Variants in DACH2 observed in about 807,000 individuals in gnomAD.
DACH2 encodes the protein dachshund homolog 2.
A neutral mutation model predicts 35.8 loss-of-function variants in DACH2; 17 were observed. The observed-to-expected ratio is 0.48, with a 90% CI of 0.33 to 0.71. The LOEUF is 0.71. Ranked by LOEUF, DACH2 falls within the 30% of genes least tolerant of loss-of-function variation. The pLI is 0.02. For synonymous variants in DACH2, 195 were observed against 177.3 expected (o/e 1.10, Z -0.79); for missense variants, 469 against 472.7 (o/e 0.99, Z 0.07).
chrX:86,289,135 C>T (rs1236385321), intron 1 of DACH2, among the ~76,000 whole-genome samples: 2 of 109,192 alleles, frequency 1.8e-5, no homozygotes, highest in African/African-American at 6.7e-5. Context: ...CCCTTCAAGG[C>T]AGAAGTTTCC....
At chrX:86,438,666 T>G (rs781021251) in intron 2 of DACH2, among the ~76,000 whole-genome samples, 1 of 112,526 alleles carries the variant, frequency 8.9e-6, no homozygotes, top group East Asian at 2.8e-4. Flanking sequence ...AACATAGACA[T>G]GCATGTGTCT....
At chrX:86,311,333 G>A (rs2034794911) in intron 1 of DACH2, among the ~76,000 whole-genome samples, 1 of 111,959 alleles carries the variant, frequency 8.9e-6, no homozygotes, top group African/African-American at 3.2e-5. Context: ...GCAGCAGTGA[G>A]CTCAGGCTTA....
chrX:86,152,467 A>G (rs1164539334), intron 1 of DACH2, among the ~76,000 whole-genome samples: 2 of 111,903 alleles, frequency 1.8e-5, no homozygotes, highest in Non-Finnish European at 3.8e-5. Context: ...GATAGTACTG[A>G]AAGTCACAGC....
At chrX:86,324,250 G>T (rs1438340777) in intron 1 of DACH2, among the ~76,000 whole-genome samples, 1 of 111,877 alleles carries the variant, frequency 8.9e-6, no homozygotes, top group African/African-American at 3.3e-5. Flanking sequence ...TTTAGAAGTG[G>T]AGCCTGAATA....
chrX:86,284,159 G>A (rs1403126382), intron 1 of DACH2, among the ~76,000 whole-genome samples: 2 of 111,396 alleles, frequency 1.8e-5, no homozygotes, highest in Non-Finnish European at 1.9e-5. Context: ...ATGAAAGTGG[G>A]CATTCTTGTC....
intron 11 of DACH2, among the ~76,000 whole-genome samples, chrX:86,819,379 C>A (rs1224529959): frequency 9.0e-6 from 1 of 110,706 alleles, no homozygotes; most frequent in African/African-American, 3.3e-5. Flanking sequence ...ATCTTATCAA[C>A]CAATCCCTGT....
chrX:86,186,667 G>T (rs908021884), intron 1 of DACH2, among the ~76,000 whole-genome samples: 3 of 111,712 alleles, frequency 2.7e-5, no homozygotes, highest in Admixed American at 9.6e-5. Flanking sequence ...TATGCAAAAT[G>T]CTGTGAATTC....
At chrX:86,743,618 G>T (rs768553105) in intron 7 of DACH2, among the ~76,000 whole-genome samples, 1 of 111,169 alleles carries the variant, frequency 9.0e-6, no homozygotes, top group Non-Finnish European at 1.9e-5. Context: ...TAAACTGAAC[G>T]TGCTTCATAA....
chrX:86,818,341 A>G (rs1382698944), intron 11 of DACH2, among the ~76,000 whole-genome samples: 1 of 111,441 alleles, frequency 9.0e-6, no homozygotes, highest in Admixed American at 9.6e-5. Flanking sequence ...GCCTACAAAT[A>G]TTATCAGAAC....
intron 6 of DACH2, among the ~76,000 whole-genome samples, chrX:86,720,986 T>A (rs1021509390): frequency 2.7e-5 from 3 of 112,462 alleles, no homozygotes; most frequent in African/African-American, 9.7e-5. Flanking sequence ...CTCTGAAACA[T>A]TGAACTGAGC....
At chrX:86,335,017 TC>T (rs1392414672) in intron 1 of DACH2, among the ~76,000 whole-genome samples, 1 of 112,239 alleles carries the variant, frequency 8.9e-6, no homozygotes, top group Non-Finnish European at 1.9e-5. Context: ...AAATACAGAA[TC>T]CTTTCCCCAT....
chrX:86,710,551 T>A (rs1335775716), intron 5 of DACH2, among the ~76,000 whole-genome samples: 1 of 112,165 alleles, frequency 8.9e-6, no homozygotes, highest in South Asian at 3.7e-4. Flanking sequence ...AATCTAAGAC[T>A]GCTCTAAAAC....
chrX:86,732,594 T>G (rs1042988443), intron 6 of DACH2, among the ~76,000 whole-genome samples: 15 of 111,959 alleles, frequency 1.3e-4, no homozygotes, highest in Admixed American at 2.9e-4. Flanking sequence ...TTAACTTGCC[T>G]GTGTCTCAGA....
chrX:86,444,975 G>A (rs2037235142), intron 2 of DACH2, among the ~76,000 whole-genome samples: 1 of 110,850 alleles, frequency 9.0e-6, no homozygotes, highest in Non-Finnish European at 1.9e-5. Flanking sequence ...AATAAAATGA[G>A]ATCCTTAAAA....
At chrX:86,430,785 C>T (rs1016995354) in intron 2 of DACH2, among the ~76,000 whole-genome samples, 1 of 112,229 alleles carries the variant, frequency 8.9e-6, no homozygotes, top group Non-Finnish European at 1.9e-5. Flanking sequence ...CCTTGCTACA[C>T]AAAAGATGCA....
chrX:86,355,835 G>A (rs1458381037), intron 1 of DACH2, among the ~76,000 whole-genome samples: 1 of 104,131 alleles, frequency 9.6e-6, no homozygotes, highest in Non-Finnish European at 2.0e-5. Context: ...GGTCTTCTTT[G>A]GAGAAGGGTC....
At chrX:86,456,840 G>T (rs1234211462) in intron 2 of DACH2, among the ~76,000 whole-genome samples, 1 of 110,513 alleles carries the variant, frequency 9.0e-6, no homozygotes, top group Non-Finnish European at 1.9e-5. Context: ...TTTTGAAGGA[G>T]AAATTGATAG....
intron 4 of DACH2, among the ~76,000 whole-genome samples, chrX:86,674,789 T>C (rs2040808207): frequency 9.0e-6 from 1 of 111,112 alleles, no homozygotes; most frequent in African/African-American, 3.3e-5. Context: ...AGTTTTATAA[T>C]CTCTGAGCAA....
intron 1 of DACH2, among the ~76,000 whole-genome samples, chrX:86,164,353 T>A (rs1355630367): frequency 9.0e-6 from 1 of 111,629 alleles, no homozygotes; most frequent in Non-Finnish European, 1.9e-5. Flanking sequence ...AAATGCATAG[T>A]TTGTGAATAT....
Sources: gnomAD v4.1 joint callset for allele counts (sites outside exome capture counted in the v4.1 genomes callset) on GRCh38, gnomAD v4.1.1 for gene constraint, MANE v1.5 for transcripts, NCBI Gene and HGNC (gene_info 2026-07-23, HGNC 2026-07-21) for gene names.